DPP10: variants seen among roughly 807,000 people sequenced by gnomAD.
DPP10 encodes the protein dipeptidyl peptidase like 10.
A neutral mutation model predicts 120.9 loss-of-function variants in DPP10; 33 were observed. The ratio of observed to expected loss-of-function variants is 0.27; its 90% CI spans 0.21 to 0.37. DPP10 has a LOEUF of 0.37. Ranked by LOEUF, DPP10 falls within the 10% of genes least tolerant of loss-of-function variation. DPP10 has a pLI of 1.00. For missense variants in DPP10, 816 were observed against 942.8 expected (o/e 0.87, Z 1.76); for synonymous variants, 337 against 326.1 (o/e 1.03, Z -0.36).
intron 1 of DPP10, among the ~76,000 whole-genome samples, chr2:114,501,933 CTTT>C (rs34369425): frequency 0.014 from 1,335 of 94,002 alleles, 14 homozygotes; most frequent in African/African-American, 0.047. Context: ...ATTGATATTC[CTTT>C]TTTTTTTTTT....
At chr2:115,347,519 C>T (rs1189572419) in intron 3 of DPP10, among the ~76,000 whole-genome samples, 1 of 152,088 alleles carries the variant, frequency 6.6e-6, no homozygotes, top group African/African-American at 2.4e-5. Context: ...TTCTAGGGTA[C>T]AAGTGCAGAA....
chr2:115,339,154 C>T (rs1402740867), intron 2 of DPP10, among the ~76,000 whole-genome samples: 1 of 152,088 alleles, frequency 6.6e-6, no homozygotes, highest in African/African-American at 2.4e-5. Flanking sequence ...GGGCGAATGA[C>T]ATGAACAGAT....
In DPP10 at chr2:114,622,231, T is replaced by TA. The variant is rs1694147690; in HGVS notation, c.60+179394dup. Among the ~76,000 whole-genome samples the TA allele has an allele frequency of 4.6e-5, 7 of 152,210 alleles. No individual in the cohort carries two copies. The South Asian group carries it at 1.2e-3, about 27-fold the overall frequency. On this transcript the variant is annotated intron_variant, in intron 1 of 25. Transcript: ENST00000410059. Reference sequence around the variant, plus strand: ...CGTGGTATATGGTAGATACTTCACTTATACTTGCTTATTTGATCTTCACAA... The same window carrying TA: ...CGTGGTATATGGTAGATACTTCACTTAATACTTGCTTATTTGATCTTCACAA...
At chr2:114,464,017 G>A (rs969042435) in intron 1 of DPP10, among the ~76,000 whole-genome samples, 3 of 152,182 alleles carry the variant, frequency 2.0e-5, no homozygotes, top group Non-Finnish European at 4.4e-5. Context: ...CTGTGGATGT[G>A]TCCGTTTGTT....
At chr2:115,839,403 C>T (rs767495500) in intron 24 of DPP10, among the ~76,000 whole-genome samples, 68 of 152,176 alleles carry the variant, frequency 4.5e-4, no homozygotes, top group Middle Eastern at 6.8e-3. Context: ...AGGCTGGGCG[C>T]GGTGGCTCAC....
chr2:115,182,035 G>A (rs1380464457), intron 1 of DPP10, among the ~76,000 whole-genome samples: 1 of 151,998 alleles, frequency 6.6e-6, no homozygotes, highest in Non-Finnish European at 1.5e-5. Context: ...AAAAAGATAA[G>A]AATTTACATT....
chr2:115,556,526 T>A (rs1310157459), intron 5 of DPP10, among the ~76,000 whole-genome samples: 1 of 152,126 alleles, frequency 6.6e-6, no homozygotes, highest in African/African-American at 2.4e-5. Context: ...ATGAATGGGC[T>A]GTGCTGAAAA....
At chr2:115,428,187 C>T (rs1031440994) in intron 3 of DPP10, among the ~76,000 whole-genome samples, 6 of 152,208 alleles carry the variant, frequency 3.9e-5, no homozygotes, top group Non-Finnish European at 7.3e-5. Flanking sequence ...TTTAAGCAGT[C>T]TTTAAGAAGT....
intron 1 of DPP10, among the ~76,000 whole-genome samples, chr2:115,248,358 T>C (rs2058622484): frequency 6.6e-6 from 1 of 152,168 alleles, no homozygotes; most frequent in South Asian, 2.1e-4. Flanking sequence ...GGTTTTAAAC[T>C]ATAGTTGTAT....
At chr2:115,810,766 C>A (rs1042837675) in intron 19 of DPP10, among the ~76,000 whole-genome samples, 1 of 152,166 alleles carries the variant, frequency 6.6e-6, no homozygotes, top group African/African-American at 2.4e-5. Context: ...CACTCTCAAC[C>A]TTGAAACACC....
intron 4 of DPP10, among the ~76,000 whole-genome samples, chr2:115,510,491 G>A (rs1350474499): frequency 6.6e-6 from 1 of 151,978 alleles, no homozygotes; most frequent in Non-Finnish European, 1.5e-5. Context: ...TTGGGACTCT[G>A]TATTCTATTA....
At chr2:114,538,377 A>G (rs550393611) in intron 1 of DPP10, among the ~76,000 whole-genome samples, 7 of 152,176 alleles carry the variant, frequency 4.6e-5, no homozygotes, top group Admixed American at 2.0e-4. Flanking sequence ...TTGGAGATCT[A>G]GTGCAAACCC....
chr2:115,303,167 T>G (rs2061217129), intron 1 of DPP10, among the ~76,000 whole-genome samples: 1 of 152,122 alleles, frequency 6.6e-6, no homozygotes, highest in African/African-American at 2.4e-5. Flanking sequence ...TTTGTGGTAT[T>G]TTTTTCAGAC....
rs1185941329 is a variant in DPP10 at position 114,512,716 on chromosome 2, C to T, written c.60+69878C>T. Reference sequence around the variant, plus strand: ...TTCATGTATGAAGGGAGTACTAATTCGTCATCACCAAAGCATGAGCATATT... The same window carrying T: ...TTCATGTATGAAGGGAGTACTAATTTGTCATCACCAAAGCATGAGCATATT... On this transcript the variant is annotated intron_variant, in intron 1 of 25. Transcript: ENST00000410059. Among the ~76,000 whole-genome samples the T allele has an allele frequency of 3.3e-5, 5 of 152,264 alleles. No individual in the cohort carries two copies. In the South Asian group the frequency reaches 6.2e-4, roughly 19 times the overall value.
At chr2:114,529,683 A>G (rs1685797797) in intron 1 of DPP10, among the ~76,000 whole-genome samples, 1 of 152,060 alleles carries the variant, frequency 6.6e-6, no homozygotes, top group South Asian at 2.1e-4. Context: ...TTCCTTTTTA[A>G]AAATTTTTAT....
At chr2:114,983,850 C>G (rs1574631918) in intron 1 of DPP10, among the ~76,000 whole-genome samples, 2 of 152,250 alleles carry the variant, frequency 1.3e-5, no homozygotes, top group South Asian at 2.1e-4. Context: ...GAAACTGAGG[C>G]CTGGAGAGGT....
intron 19 of DPP10, among the ~76,000 whole-genome samples, chr2:115,810,757 A>C (rs1277531025): frequency 6.6e-6 from 1 of 152,090 alleles, no homozygotes; most frequent in African/African-American, 2.4e-5. Flanking sequence ...GTATGTCCCC[A>C]CTCTCAACCT....
intron 8 of DPP10, 86 bp downstream of exon 8, chr2:115,728,022 C>G (rs938585676): frequency 9.8e-6 from 14 of 1,425,920 alleles, no homozygotes; most frequent in African/African-American, 1.5e-5. Flanking sequence ...CATTCCGGAG[C>G]AATACTTACA....
intron 1 of DPP10, among the ~76,000 whole-genome samples, chr2:114,751,672 T>C (rs562285986): frequency 3.3e-5 from 5 of 152,332 alleles, no homozygotes; most frequent in Non-Finnish European, 7.3e-5. Flanking sequence ...GCAGAGCATA[T>C]AGAAACAGGT....
Sources: allele counts gnomAD v4.1 joint callset (sites outside exome capture counted in the v4.1 genomes callset), GRCh38; gene constraint gnomAD v4.1.1; transcripts MANE v1.5; gene names NCBI Gene and HGNC (gene_info 2026-07-23, HGNC 2026-07-21).